GJB7: variants seen among roughly 807,000 people sequenced by gnomAD.
GJB7 encodes the protein gap junction protein beta 7.
For synonymous variants in GJB7, 87 were observed against 95.2 expected (o/e 0.91, Z 0.50); for missense variants, 253 against 256.8 (o/e 0.99, Z 0.10).
chr6:87,307,914 G>A (rs1776455746), intron 2 of GJB7, among the ~76,000 whole-genome samples: 1 of 152,146 alleles, frequency 6.6e-6, no homozygotes, highest in Non-Finnish European at 1.5e-5. Context: ...CTGCTATAAG[G>A]ACACAGGCAC....
At chr6:87,288,896 G>A (rs1305783134) in intron 2 of GJB7, among the ~76,000 whole-genome samples, 1 of 152,078 alleles carries the variant, frequency 6.6e-6, no homozygotes, top group African/African-American at 2.4e-5. Context: ...CTGTCACTCT[G>A]TTTCTCATTC....
At chr6:87,313,422 A>C (rs991077690) in intron 2 of GJB7, among the ~76,000 whole-genome samples, 4 of 152,238 alleles carry the variant, frequency 2.6e-5, no homozygotes, top group Non-Finnish European at 5.9e-5. Context: ...GGATGGAGTT[A>C]AAAATAGAGT....
intron 2 of GJB7, chr6:87,299,934 G>A: frequency 3.3e-6 from 1 of 304,570 alleles, no homozygotes; most frequent in Non-Finnish European, 6.6e-6. Flanking sequence ...CTGAATGTAT[G>A]TCTGGCAAAA....
intron 2 of GJB7, among the ~76,000 whole-genome samples, chr6:87,304,625 A>T (rs1190743296): frequency 6.6e-6 from 1 of 152,226 alleles, no homozygotes; most frequent in Non-Finnish European, 1.5e-5. Flanking sequence ...ATTCCTTCTG[A>T]AACTATTCCA....
At chr6:87,320,625 A>G (rs1776642708) in intron 2 of GJB7, among the ~76,000 whole-genome samples, 1 of 152,234 alleles carries the variant, frequency 6.6e-6, no homozygotes, top group Non-Finnish European at 1.5e-5. Flanking sequence ...GAGAAATGGA[A>G]GTTACAGGCA....
chr6:87,323,870 T>A (rs74553481), intron 1 of GJB7, among the ~76,000 whole-genome samples: 94,878 of 151,756 alleles, frequency 0.63, 30,102 homozygotes, highest in African/African-American at 0.7. Context: ...ACAATGGTTG[T>A]ACTGGTTTAC....
intron 2 of GJB7, among the ~76,000 whole-genome samples, chr6:87,302,545 T>C (rs543960288): frequency 2.0e-5 from 3 of 152,300 alleles, no homozygotes; most frequent in Non-Finnish European, 2.9e-5. Context: ...ACCAAATCCA[T>C]GTCTGATTGG....
intron 2 of GJB7, among the ~76,000 whole-genome samples, chr6:87,314,183 G>C (rs1776549781): frequency 6.6e-6 from 1 of 152,108 alleles, no homozygotes; most frequent in Non-Finnish European, 1.5e-5. Flanking sequence ...CTAGTATCTG[G>C]GTAAATATAA....
At chr6:87,308,176 T>C (rs1776460886) in intron 2 of GJB7, among the ~76,000 whole-genome samples, 1 of 144,488 alleles carries the variant, frequency 6.9e-6, no homozygotes, top group Admixed American at 7.0e-5. Flanking sequence ...AATTGAACAA[T>C]GAGAACACTT....
At chr6:87,307,227 A>G (rs1398124291) in intron 2 of GJB7, among the ~76,000 whole-genome samples, 1 of 151,808 alleles carries the variant, frequency 6.6e-6, no homozygotes, top group Non-Finnish European at 1.5e-5. Context: ...ATTAAAAAAA[A>G]GATGGATTAA....
At chr6:87,327,830 G>A (rs947122679) in intron 1 of GJB7, among the ~76,000 whole-genome samples, 1 of 148,922 alleles carries the variant, frequency 6.7e-6, no homozygotes, top group Non-Finnish European at 1.5e-5. Context: ...AGTTCTCCTG[G>A]ATAATATCCT....
rs751910564 is a variant in GJB7, at chr6:87,283,101, TCAAAA to T, written c.*1135_*1139del. The T allele has an allele frequency of 3.3e-5, 5 of 152,216 alleles. No individual in the cohort carries two copies. Among genetic ancestry groups the T allele is most frequent in the South Asian group, 4.1e-4 (2 of 4,830 alleles). 9.4% of individuals were successfully genotyped at this position (152,216 alleles called of 1,614,324 possible). ...AGAAAAGTAAAGAAAGTTCTAGTCT[TCAAAA>T]CAAGTGATAAACTTTTAAAACATTT... On this transcript the variant is annotated 3_prime_UTR_variant, in exon 3 of 3. Coordinates refer to ENST00000525899, the MANE Select transcript of GJB7 (RefSeq NM_198568.3).
chr6:87,317,697 C>A (rs1005466673), intron 2 of GJB7, among the ~76,000 whole-genome samples: 1 of 152,110 alleles, frequency 6.6e-6, no homozygotes, highest in South Asian at 2.1e-4. Context: ...TCCCAAAGTG[C>A]TGGGATTACA....
intron 2 of GJB7, among the ~76,000 whole-genome samples, chr6:87,288,329 A>G (rs1310240706): frequency 6.6e-6 from 1 of 152,246 alleles, no homozygotes; most frequent in Non-Finnish European, 1.5e-5. Context: ...TTTCATATGT[A>G]TATATTTGGT....
At chr6:87,292,521 C>A (rs1309447228) in intron 2 of GJB7, among the ~76,000 whole-genome samples, 1 of 151,858 alleles carries the variant, frequency 6.6e-6, no homozygotes, top group African/African-American at 2.4e-5. Context: ...AATCACTTTC[C>A]CAACCCCAGA....
intron 2 of GJB7, among the ~76,000 whole-genome samples, chr6:87,303,053 T>C (rs1243919295): frequency 6.6e-6 from 1 of 152,176 alleles, no homozygotes; most frequent in Non-Finnish European, 1.5e-5. Flanking sequence ...GAACAACCAG[T>C]ACCAGCCACT....
chr6:87,302,747 T>C (rs1388292753), intron 2 of GJB7, among the ~76,000 whole-genome samples: 1 of 151,960 alleles, frequency 6.6e-6, no homozygotes, highest in Admixed American at 6.6e-5. Flanking sequence ...AAAGTTGAAA[T>C]GAAGGAAAAA....
chr6:87,294,150 A>C (rs1776217051), intron 2 of GJB7, among the ~76,000 whole-genome samples: 1 of 152,234 alleles, frequency 6.6e-6, no homozygotes, highest in Non-Finnish European at 1.5e-5. Flanking sequence ...GATAAAGCGA[A>C]ATAAGAAAGG....
chr6:87,325,472 A>G (rs1187959074), intron 1 of GJB7, among the ~76,000 whole-genome samples: 4 of 114,302 alleles, frequency 3.5e-5, no homozygotes, highest in African/African-American at 1.5e-4. Flanking sequence ...AGTTTTTAGC[A>G]TGAAGGGTTA....
Sources: gnomAD v4.1 joint callset for allele counts (sites outside exome capture counted in the v4.1 genomes callset) on GRCh38, gnomAD v4.1.1 for gene constraint, MANE v1.5 for transcripts, NCBI Gene and HGNC (gene_info 2026-07-23, HGNC 2026-07-21) for gene names.